Variants in JARID2 observed in about 807,000 individuals in gnomAD.
JARID2 encodes jumonji and AT-rich interaction domain containing 2, also known as protein Jumonji.
In JARID2, 21 loss-of-function variants were observed where a neutral mutation model predicts 125.6. The observed-to-expected ratio is 0.17, with a 90% confidence interval of 0.12 to 0.24. The LOEUF (loss-of-function observed/expected upper bound fraction) is 0.24. JARID2 is among the 10% of genes least tolerant of loss of function. The probability of loss-of-function intolerance (pLI) is 1.00; values close to 1 mark genes in which losing one functional copy is unlikely to be tolerated. For synonymous variants in JARID2, 736 were observed against 661.6 expected (o/e 1.11, Z -1.73); for missense variants, 1,303 against 1,639.6 (o/e 0.79, Z 3.55).
chr6:15,412,771 C>T (rs567000673), intron 3 of JARID2, among the ~76,000 whole-genome samples: 4 of 152,250 alleles, frequency 2.6e-5, no homozygotes, highest in Admixed American at 6.5e-5. Flanking sequence ...TCCAGAGCTT[C>T]GGTAGTATAC....
intron 3 of JARID2, among the ~76,000 whole-genome samples, chr6:15,420,399 T>TAAA (rs35773283): frequency 4.9e-5 from 7 of 143,434 alleles, no homozygotes; most frequent in Non-Finnish European, 9.2e-5. Context: ...CAAGACTCCA[T>TAAA]AAAAAAAAAA....
chr6:15,371,126 G>T (rs1581468181), intron 1 of JARID2, among the ~76,000 whole-genome samples: 2 of 152,208 alleles, frequency 1.3e-5, no homozygotes, highest in African/African-American at 4.8e-5. Flanking sequence ...TAGGTGTAAT[G>T]AAGCTGCTTG....
chr6:15,357,662 G>A (rs936328795), intron 1 of JARID2, among the ~76,000 whole-genome samples: 6 of 152,086 alleles, frequency 3.9e-5, no homozygotes, highest in African/African-American at 1.4e-4. Context: ...ATTTAGGGGA[G>A]ATAATCAAAA....
intron 7 of JARID2, among the ~76,000 whole-genome samples, chr6:15,500,049 T>C (rs946171818): frequency 1.3e-5 from 2 of 152,226 alleles, no homozygotes; most frequent in African/African-American, 4.8e-5. Flanking sequence ...TTGTTTAGTA[T>C]TTTGTTGATG....
At chr6:15,387,564 G>C (rs1313925434) in intron 2 of JARID2, among the ~76,000 whole-genome samples, 1 of 152,172 alleles carries the variant, frequency 6.6e-6, no homozygotes, top group Non-Finnish European at 1.5e-5. Flanking sequence ...TTAGGGGTTA[G>C]AGCTTCAACA....
chr6:15,336,953 T>C (rs1189323275), intron 1 of JARID2, among the ~76,000 whole-genome samples: 1 of 152,142 alleles, frequency 6.6e-6, no homozygotes, highest in African/African-American at 2.4e-5. Context: ...GTATTCAGAG[T>C]GTAGTTCAGT....
At chr6:15,412,137 T>A (rs147061739) in intron 3 of JARID2, among the ~76,000 whole-genome samples, 1 of 152,208 alleles carries the variant, frequency 6.6e-6, no homozygotes, top group Non-Finnish European at 1.5e-5. Flanking sequence ...TCTTACTGAA[T>A]TAAGGATTCA....
intron 3 of JARID2, among the ~76,000 whole-genome samples, chr6:15,423,378 G>T (rs1383881793): frequency 1.3e-5 from 2 of 152,124 alleles, no homozygotes; most frequent in Non-Finnish European, 2.9e-5. Flanking sequence ...AGTGGTTTTG[G>T]CTTTTGGGAA....
intron 1 of JARID2, among the ~76,000 whole-genome samples, chr6:15,330,820 A>G (rs529535565): frequency 1.3e-5 from 2 of 152,342 alleles, no homozygotes; most frequent in East Asian, 3.9e-4. Context: ...CAAAAAATAT[A>G]TATTTTAAGT....
chr6:15,404,067 A>C (rs1431724678), intron 2 of JARID2, among the ~76,000 whole-genome samples: 1 of 152,192 alleles, frequency 6.6e-6, no homozygotes, highest in African/African-American at 2.4e-5. Context: ...AACCACTTTC[A>C]TTTGTGCCTC....
At position 15,510,391 on chromosome 6, in the gene JARID2, C is replaced by T. The variant is rs140758052; in HGVS notation, c.2847-905C>T. 2.5e-4 allele frequency among the ~76,000 whole-genome samples: 38 copies of T among 152,310 alleles called. No homozygotes were observed. The South Asian group carries it at 4.1e-3, about 17-fold the overall frequency. On this transcript the variant is annotated intron_variant, in intron 12 of 17. Transcript: ENST00000341776. ...TGAGCCTGACACCAGGGGCGTCACA[C>T]GTTGTGAGTGGAAGTGTGGCCCTGG...
intron 3 of JARID2, among the ~76,000 whole-genome samples, chr6:15,412,692 G>A (rs144199700): frequency 9.9e-5 from 15 of 152,128 alleles, no homozygotes; most frequent in South Asian, 2.1e-4. Context: ...TTGATCCTTC[G>A]TCAGTATTTA....
chr6:15,357,623 AGACCCTTGGTC>A, intron 1 of JARID2, among the ~76,000 whole-genome samples: 1 of 152,210 alleles, frequency 6.6e-6, no homozygotes, highest in East Asian at 1.9e-4. Context: ...CCAAGTTGAA[AGACCCTTGGTC>A]GAGAAATTCT....
intron 2 of JARID2, among the ~76,000 whole-genome samples, chr6:15,390,485 G>A (rs1050797355): frequency 6.6e-6 from 1 of 152,124 alleles, no homozygotes; most frequent in Non-Finnish European, 1.5e-5. Context: ...GAATTCCAAG[G>A]GAATAGGTTA....
At chr6:15,290,137 C>T (rs1761152153) in intron 1 of JARID2, among the ~76,000 whole-genome samples, 1 of 152,212 alleles carries the variant, frequency 6.6e-6, no homozygotes, top group Non-Finnish European at 1.5e-5. Flanking sequence ...TCCTCATCCC[C>T]TCCCAGCCAC....
intron 3 of JARID2, among the ~76,000 whole-genome samples, chr6:15,428,132 T>C (rs578054753): frequency 8.5e-5 from 13 of 152,190 alleles, no homozygotes; most frequent in Non-Finnish European, 1.9e-4. Context: ...TCATTTCTGC[T>C]TTTGGAAATT....
At chr6:15,482,632 A>G (rs184791623) in intron 5 of JARID2, among the ~76,000 whole-genome samples, 1 of 152,300 alleles carries the variant, frequency 6.6e-6, no homozygotes, top group East Asian at 1.9e-4. Context: ...GTTGCAGTAC[A>G]TAGTTTGGTT....
intron 1 of JARID2, among the ~76,000 whole-genome samples, chr6:15,256,019 C>T (rs185848090): frequency 6.0e-4 from 91 of 152,256 alleles, no homozygotes; most frequent in Admixed American, 1.4e-3. Context: ...GAGCTATTTC[C>T]TCATCTGGAC....
intron 1 of JARID2, among the ~76,000 whole-genome samples, chr6:15,252,936 G>A (rs114014642): frequency 0.077 from 11,667 of 152,164 alleles, 474 homozygotes; most frequent in Admixed American, 0.12. Context: ...GAACTCCGTG[G>A]TATCTGTCTA....
Sources: gnomAD v4.1 joint callset for allele counts (sites outside exome capture counted in the v4.1 genomes callset) on GRCh38, gnomAD v4.1.1 for gene constraint, MANE v1.5 for transcripts, NCBI Gene and HGNC (gene_info 2026-07-23, HGNC 2026-07-21) for gene names.